Variants in FER1L6 observed in about 807,000 individuals in gnomAD.
The protein encoded by FER1L6 is fer-1 like family member 6.
FER1L6 carries 177 observed loss-of-function variants against 219.2 expected under a neutral mutation model. The ratio of observed to expected loss-of-function variants is 0.81; its 90% CI spans 0.71 to 0.91. The LOEUF (loss-of-function observed/expected upper bound fraction) is 0.91, where lower values mean the gene tolerates loss of function less well. Ranked by LOEUF, FER1L6 falls within the 40% of genes least tolerant of loss-of-function variation. The pLI, the probability that FER1L6 is intolerant of heterozygous loss-of-function variation, is 0.00. For synonymous variants in FER1L6, 768 were observed against 824.3 expected, an observed-to-expected ratio of 0.93 and a Z score of 1.17; for missense variants, 2,153 against 2,259.9, an observed-to-expected ratio of 0.95 and a Z score of 0.96.
intron 28 of FER1L6, among the ~76,000 whole-genome samples, chr8:124,068,450 C>T (rs1438494270): frequency 1.3e-5 from 2 of 152,228 alleles, no homozygotes; most frequent in Admixed American, 1.3e-4. Context: ...ATCTGTCCAA[C>T]ATTACACAGC....
rs1229607414 is a variant in FER1L6, at chr8:124,103,285, T to A, written c.5265T>A (p.Pro1755=). The A allele has an allele frequency of 1.9e-6, 3 of 1,613,234 alleles. No homozygotes were observed. The Admixed American group carries it at 5.0e-5, about 27-fold the overall frequency. The change falls in exon 39 of 41, where the codon CCT becomes CCA. Residue 1755 remains proline, a synonymous_variant. Coordinates refer to ENST00000522917, the MANE Select transcript of FER1L6 (RefSeq NM_001039112.2). The part of the protein sequence containing the change: ...FQQKRVRGWW[P]FSKSKELTGK... ...AAAAACGTGTGCGTGGCTGGTGGCC[T>A]TTTTCTAAAAGCAAAGAACTCACAG...
At chr8:124,030,532 A>G (rs1265148007) in intron 18 of FER1L6, among the ~76,000 whole-genome samples, 1 of 152,074 alleles carries the variant, frequency 6.6e-6, no homozygotes. Context: ...AACCCTTCCT[A>G]AGGAAGGAGC....
intron 24 of FER1L6, 169 bp downstream of exon 24, chr8:124,060,878 C>T (rs553530694): frequency 6.8e-5 from 53 of 773,824 alleles, no homozygotes; most frequent in Middle Eastern, 2.8e-4. Context: ...TGTTTTGAAA[C>T]GTTTCCAGTG....
chr8:123,916,952 A>C (rs771031427), intron 1 of FER1L6, among the ~76,000 whole-genome samples: 27 of 152,332 alleles, frequency 1.8e-4, no homozygotes, highest in African/African-American at 5.1e-4. Context: ...TGTGTCTGTC[A>C]GTGATGCTGA....
intron 34 of FER1L6, among the ~76,000 whole-genome samples, chr8:124,093,154 G>A (rs184800573): frequency 3.8e-4 from 58 of 152,070 alleles, no homozygotes; most frequent in African/African-American, 1.3e-3. Context: ...ATCAGATCTT[G>A]TGAGAAGTCT....
At chr8:124,045,411 G>A (rs1049656919) in intron 20 of FER1L6, among the ~76,000 whole-genome samples, 2 of 152,218 alleles carry the variant, frequency 1.3e-5, no homozygotes, top group Admixed American at 6.5e-5. Context: ...GAATGAGACA[G>A]TGCATGTGAA....
At chr8:123,923,760 A>C (rs1214385561) in intron 1 of FER1L6, among the ~76,000 whole-genome samples, 1 of 152,000 alleles carries the variant, frequency 6.6e-6, no homozygotes, top group Non-Finnish European at 1.5e-5. Flanking sequence ...GAACCTAACT[A>C]ACACCATCTC....
chr8:123,865,841 A>G lies in FER1L6; in HGVS notation c.-8+13656A>G, dbSNP rs540595465. 7.3e-5 allele frequency among the ~76,000 whole-genome samples: 11 copies of G among 151,362 alleles called. No individual in the cohort carries two copies. The East Asian group carries it at 1.5e-3, about 21-fold the overall frequency. On this transcript the variant is annotated intron_variant, in intron 1 of 40. Transcript: ENST00000522917. ...GCAATGCCTCGCCCTGCTTTGGCTCACGCACGGTGCGCGCACCCACTGGCC... is the reference window on the plus strand; with the variant it reads ...GCAATGCCTCGCCCTGCTTTGGCTCGCGCACGGTGCGCGCACCCACTGGCC...
intron 23 of FER1L6, 118 bp downstream of exon 23, chr8:124,060,408 T>C: frequency 7.0e-7 from 1 of 1,430,908 alleles, no homozygotes; most frequent in East Asian, 2.3e-5. Flanking sequence ...GAATGAGCCC[T>C]CAAAAAGCTG....
intron 12 of FER1L6, among the ~76,000 whole-genome samples, chr8:123,990,310 C>A (rs1816793074): frequency 6.6e-6 from 1 of 152,102 alleles, no homozygotes; most frequent in Non-Finnish European, 1.5e-5. Flanking sequence ...TATGGTTTTC[C>A]ATAGAGATTG....
intron 34 of FER1L6, among the ~76,000 whole-genome samples, chr8:124,092,414 T>A (rs1013574624): frequency 6.6e-6 from 1 of 152,176 alleles, no homozygotes; most frequent in Admixed American, 6.5e-5. Flanking sequence ...TTATATAGCA[T>A]AAATAATTGA....
chr8:124,015,211 T>A (rs1012667508), intron 15 of FER1L6, among the ~76,000 whole-genome samples: 1 of 152,002 alleles, frequency 6.6e-6, no homozygotes, highest in African/African-American at 2.4e-5. Context: ...ACGGTTCTGT[T>A]AGAAGCAAGT....
chr8:123,928,619 G>A (rs1586476491), intron 1 of FER1L6, among the ~76,000 whole-genome samples: 2 of 152,212 alleles, frequency 1.3e-5, no homozygotes, highest in Non-Finnish European at 2.9e-5. Flanking sequence ...TAATCTTCAA[G>A]CCTGGTTCTC....
At chr8:123,893,360 G>T (rs568244759) in intron 1 of FER1L6, among the ~76,000 whole-genome samples, 1 of 152,308 alleles carries the variant, frequency 6.6e-6, no homozygotes, top group South Asian at 2.1e-4. Flanking sequence ...AACAGGAGTT[G>T]ATTGCATGGA....
intron 1 of FER1L6, among the ~76,000 whole-genome samples, chr8:123,857,882 A>G (rs1816676848): frequency 6.6e-6 from 1 of 152,200 alleles, no homozygotes. Context: ...TCTGTTCTCA[A>G]GCTCCTGGGG....
At chr8:123,977,371 C>G in intron 9 of FER1L6, 46 bp from the exon 10 acceptor site, 1 of 1,550,536 alleles carries the variant, frequency 6.4e-7, no homozygotes, top group Non-Finnish European at 8.8e-7. Context: ...TTTCTGTAGT[C>G]AGTCAGTCCC....
intron 3 of FER1L6, among the ~76,000 whole-genome samples, chr8:123,964,295 A>T (rs534307975): frequency 1.1e-3 from 174 of 152,160 alleles, no homozygotes; most frequent in Admixed American, 1.2e-3. Flanking sequence ...TCAATTTCTT[A>T]CTTGTGATAA....
chr8:124,078,010 C>A (rs556437853), intron 32 of FER1L6, among the ~76,000 whole-genome samples: 1 of 152,268 alleles, frequency 6.6e-6, no homozygotes, highest in East Asian at 1.9e-4. Context: ...TTCTTCGTAG[C>A]CTCTGACATG....
chr8:123,942,528 T>C (rs2130002144), intron 1 of FER1L6, among the ~76,000 whole-genome samples: 1 of 152,312 alleles, frequency 6.6e-6, no homozygotes, highest in African/African-American at 2.4e-5. Context: ...AAGTCAAAAA[T>C]GTTGGCAGGA....
Sources: gnomAD v4.1 joint callset for allele counts (sites outside exome capture counted in the v4.1 genomes callset) on GRCh38, gnomAD v4.1.1 for gene constraint, MANE v1.5 for transcripts, NCBI Gene and HGNC (gene_info 2026-07-23, HGNC 2026-07-21) for gene names.